Variants in GMPS observed in about 807,000 individuals in gnomAD.
The protein encoded by GMPS is GMP synthase [glutamine-hydrolyzing].
GMPS carries 15 observed loss-of-function variants against 77.9 expected under a neutral mutation model. That is an observed-to-expected ratio of 0.19 (90% CI 0.13 to 0.30). The LOEUF (loss-of-function observed/expected upper bound fraction) is 0.30. Ranked by LOEUF, GMPS falls within the 10% of genes least tolerant of loss-of-function variation. GMPS has a pLI of 1.00. For synonymous variants in GMPS, 224 were observed against 275.9 expected (o/e 0.81, Z 1.86); for missense variants, 590 against 838.8 (o/e 0.70, Z 3.66).
At position 155,909,178 on chromosome 3, in the gene GMPS, A is replaced by G. The variant is rs115450778; in HGVS notation, c.527-1514A>G. Among the ~76,000 whole-genome samples the G allele has an allele frequency of 5.3e-3, 807 of 152,332 alleles. 7 individuals carry two copies. The highest frequency in any genetic ancestry group is 0.018 in the African/African-American group (750 of 41,566). On this transcript the variant is annotated intron_variant, in intron 5 of 15. Coordinates refer to ENST00000496455, the MANE Select transcript of GMPS (RefSeq NM_003875.3). ...TGAGAGTTCATACAAGTTTCTTGAT[A>G]TCTCAGAGCCATAAAATAGGAGTAA...
intron 2 of GMPS, among the ~76,000 whole-genome samples, chr3:155,896,572 T>G (rs1659819108): frequency 6.6e-6 from 1 of 151,644 alleles, no homozygotes; most frequent in African/African-American, 2.4e-5. Context: ...TTTCTCTCAC[T>G]GTTTTGGTTT....
intron 11 of GMPS, among the ~76,000 whole-genome samples, chr3:155,924,108 G>C (rs578079149): frequency 7.4e-4 from 112 of 152,214 alleles, no homozygotes; most frequent in African/African-American, 2.0e-3. Flanking sequence ...TCAAACTCCC[G>C]ACCTCAGGTG....
intron 7 of GMPS, among the ~76,000 whole-genome samples, chr3:155,913,335 A>G (rs961188043): frequency 6.6e-6 from 1 of 152,158 alleles, no homozygotes; most frequent in Non-Finnish European, 1.5e-5. Flanking sequence ...GTCATTAAAT[A>G]AAAAGCCAAG....
chr3:155,924,427 G>C (rs28655132), intron 11 of GMPS, among the ~76,000 whole-genome samples: 3,191 of 152,236 alleles, frequency 0.021, 105 homozygotes, highest in African/African-American at 0.072. Flanking sequence ...AGCCACAAAG[G>C]GATTGATTTG....
chr3:155,874,470 A>G (rs1054004305), intron 1 of GMPS, among the ~76,000 whole-genome samples: 3 of 152,192 alleles, frequency 2.0e-5, no homozygotes, highest in African/African-American at 7.2e-5. Context: ...TTTATCTGGG[A>G]TGTACTGAGA....
At chr3:155,906,356 CTTTTTCTTCTGA>C in intron 5 of GMPS, 93 bp downstream of exon 5, 1 of 610,566 alleles carries the variant, frequency 1.6e-6, no homozygotes, top group Non-Finnish European at 2.9e-6. Flanking sequence ...TTGATTTTTC[CTTTTTCTTCTGA>C]TTTTTCTTCT....
chr3:155,912,158 C>G (rs1755057507), intron 7 of GMPS, among the ~76,000 whole-genome samples: 2 of 152,004 alleles, frequency 1.3e-5, no homozygotes, highest in Non-Finnish European at 2.9e-5. Context: ...GAATTGATAC[C>G]AAAAGGCTGA....
chr3:155,927,563 T>G (rs1030274591), intron 12 of GMPS, among the ~76,000 whole-genome samples: 4 of 152,214 alleles, frequency 2.6e-5, no homozygotes, highest in Non-Finnish European at 4.4e-5. Context: ...TAACTGACTT[T>G]AGTCTCTTAC....
At chr3:155,933,936 G>A (rs1285629048) in intron 13 of GMPS, among the ~76,000 whole-genome samples, 2 of 152,250 alleles carry the variant, frequency 1.3e-5, no homozygotes, top group East Asian at 1.9e-4. Flanking sequence ...TATTTGTGGT[G>A]TATCTTCATG....
At chr3:155,885,731 G>C (rs1303308243) in intron 1 of GMPS, among the ~76,000 whole-genome samples, 1 of 152,176 alleles carries the variant, frequency 6.6e-6, no homozygotes, top group Non-Finnish European at 1.5e-5. Flanking sequence ...CAGATTTTTG[G>C]ATTAAGGATG....
At position 155,904,044 on chromosome 3, in the gene GMPS, A is replaced by G. The variant is rs1386563716; in HGVS notation, c.422+84A>G. 21 of 619,726 alleles carry G rather than the reference A, an allele frequency of 3.4e-5. 1 individual carries two copies. Among genetic ancestry groups the G allele is most frequent in the Middle Eastern group, 7.9e-4 (2 of 2,520 alleles). 38.4% of individuals were successfully genotyped at this position (619,726 alleles called of 1,614,324 possible). A position where few individuals can be genotyped will look rare whatever the true frequency, so the allele number is the denominator to read the frequency against. ...ATTATTTTTAACAATTGGAGATTCT[A>G]TAATTCATAAACAAAATTAAGGGTA... On this transcript the variant is annotated intron_variant, in intron 4 of 15. Coordinates refer to ENST00000496455, the MANE Select transcript of GMPS (RefSeq NM_003875.3).
At chr3:155,874,675 C>T (rs980847655) in intron 1 of GMPS, among the ~76,000 whole-genome samples, 1 of 152,034 alleles carries the variant, frequency 6.6e-6, no homozygotes. Flanking sequence ...TCTCGGATGA[C>T]ATTGCCTTTA....
At chr3:155,908,394 T>G (rs1577518255) in intron 5 of GMPS, among the ~76,000 whole-genome samples, 1 of 152,128 alleles carries the variant, frequency 6.6e-6, no homozygotes, top group Admixed American at 6.6e-5. Context: ...TTGCTGAGAG[T>G]TTTTTTCCCT....
chr3:155,922,226 C>A lies in GMPS; in HGVS notation c.1358C>A (p.Pro453His). The A allele has an allele frequency of 6.4e-7, 1 of 1,567,288 alleles. No individual in the cohort carries two copies. The highest frequency in any genetic ancestry group is 8.7e-7 in the Non-Finnish European group (1 of 1,155,412). ...LAIRVICAEEPYICKDFPETN... is the reference protein window; with the variant it reads ...LAIRVICAEEHYICKDFPETN... ...ATCAGAGTAATATGTGCTGAAGAAC[C>A]TTATATTTGTAAGGACTTTCCTGAA... The change falls in exon 11 of 16, where the codon CCT becomes CAT. Residue 453 changes from proline to histidine, a missense_variant. Pro to His is a moderately conservative substitution (Grantham distance 77). Coordinates refer to ENST00000496455, the MANE Select transcript of GMPS (RefSeq NM_003875.3).
At position 155,940,822 on chromosome 3, in the gene GMPS, C is replaced by A. The variant is rs1292166519; in HGVS notation, c.*3130C>A. On this transcript the variant is annotated 3_prime_UTR_variant, in exon 16 of 16. Coordinates refer to ENST00000496455, the MANE Select transcript of GMPS (RefSeq NM_003875.3). ...ATCAAAATGCACCGTAAAGTTAAAT[C>A]CTAGTTACCTTTTTTTGAAGCTGTT... The A allele has an allele frequency of 4.8e-6, 1 of 210,256 alleles. No homozygotes were observed. Among genetic ancestry groups the A allele is most frequent in the African/African-American group, 2.3e-5 (1 of 43,142 alleles). The allele number at this position is 210,256 out of a possible 1,614,324, so 13.0% of individuals were successfully genotyped here.
chr3:155,932,419 A>AGATAC (rs568549300), intron 13 of GMPS, among the ~76,000 whole-genome samples: 220 of 152,322 alleles, frequency 1.4e-3, no homozygotes, highest in Middle Eastern at 0.01. Context: ...GGCATGTGCC[A>AGATAC]GATAGCATTA....
chr3:155,911,572 C>T (rs1323209352), intron 7 of GMPS, among the ~76,000 whole-genome samples: 1 of 152,086 alleles, frequency 6.6e-6, no homozygotes. Flanking sequence ...CGCGGTGGCT[C>T]ACGCCTATAA....
At chr3:155,889,271 G>A (rs1383560308) in intron 1 of GMPS, among the ~76,000 whole-genome samples, 3 of 151,964 alleles carry the variant, frequency 2.0e-5, no homozygotes, top group African/African-American at 7.3e-5. Flanking sequence ...GTTAGTTTTG[G>A]TCATCTCCCA....
intron 1 of GMPS, among the ~76,000 whole-genome samples, chr3:155,891,752 G>T (rs1048996650): frequency 6.6e-6 from 1 of 151,808 alleles, no homozygotes; most frequent in African/African-American, 2.4e-5. Context: ...GATTATAGGT[G>T]CCCACCACAA....
Sources: allele counts gnomAD v4.1 joint callset (sites outside exome capture counted in the v4.1 genomes callset), GRCh38; gene constraint gnomAD v4.1.1; transcripts MANE v1.5; gene names NCBI Gene and HGNC (gene_info 2026-07-23, HGNC 2026-07-21).